NLGN1: variants seen among roughly 807,000 people sequenced by gnomAD.
NLGN1 encodes the protein neuroligin-1.
In NLGN1, 12 loss-of-function variants were observed where a neutral mutation model predicts 65.5. That is an observed-to-expected ratio of 0.18 (90% confidence interval 0.12 to 0.30). The LOEUF is 0.30. Among genes scored for constraint, NLGN1 ranks in the 10% least tolerant of loss-of-function variants. The pLI is 1.00. For synonymous variants in NLGN1, 350 were observed against 359.5 expected, an observed-to-expected ratio of 0.97 and a Z score of 0.30; for missense variants, 750 against 1,007.1, an observed-to-expected ratio of 0.74 and a Z score of 3.46.
chr3:173,458,631 C>T (rs1722880058), intron 2 of NLGN1, among the ~76,000 whole-genome samples: 1 of 152,092 alleles, frequency 6.6e-6, no homozygotes. Context: ...CCTCTGTTTC[C>T]AGTTCCTCAT....
intron 4 of NLGN1, among the ~76,000 whole-genome samples, chr3:174,090,994 T>G (rs1380938947): frequency 6.6e-6 from 1 of 152,196 alleles, no homozygotes; most frequent in Non-Finnish European, 1.5e-5. Context: ...ATTGTGACAT[T>G]GATGCATTGC....
chr3:173,834,733 C>T (rs1234768267), intron 4 of NLGN1, among the ~76,000 whole-genome samples: 1 of 152,164 alleles, frequency 6.6e-6, no homozygotes, highest in African/African-American at 2.4e-5. Context: ...CATATGGTCA[C>T]AGAGTTAGGA....
chr3:173,471,064 T>G (rs2148926528), intron 2 of NLGN1, among the ~76,000 whole-genome samples: 1 of 152,160 alleles, frequency 6.6e-6, no homozygotes, highest in East Asian at 1.9e-4. Flanking sequence ...AATAAAAGAA[T>G]TAGTTGATCT....
Position 174,259,834 on chromosome 3 carries a change from C to A in NLGN1, c.647-15481C>A, listed in dbSNP as rs1306513731. Among the ~76,000 whole-genome samples the A allele has an allele frequency of 5.7e-5, 7 of 121,940 alleles. No homozygotes were observed. The South Asian group carries it at 1.6e-3, about 28-fold the overall frequency. The allele number at this position is 121,940 out of a possible 152,430, so 80.0% of individuals were successfully genotyped here. On this transcript the variant is annotated intron_variant, in intron 4 of 6. Transcript: ENST00000457714. ...TATCTCCCAATGCTATCCCTCCCCC[C>A]TCCCCCCACCCCACCACAGTCCCCA...
chr3:174,270,746 G>T (rs2152877194), intron 4 of NLGN1, among the ~76,000 whole-genome samples: 1 of 151,836 alleles, frequency 6.6e-6, no homozygotes, highest in Non-Finnish European at 1.5e-5. Flanking sequence ...AGGAGACAGA[G>T]GCAGAATGCA....
intron 4 of NLGN1, among the ~76,000 whole-genome samples, chr3:173,949,564 C>T (rs1389636008): frequency 6.6e-6 from 1 of 152,120 alleles, no homozygotes; most frequent in Non-Finnish European, 1.5e-5. Context: ...GTCTTTACTA[C>T]TTTCAGACTG....
intron 2 of NLGN1, among the ~76,000 whole-genome samples, chr3:173,448,788 T>C (rs1720890767): frequency 1.3e-5 from 2 of 152,312 alleles, no homozygotes; most frequent in Admixed American, 1.3e-4. Context: ...GGTTTAGTCT[T>C]GGGAGGGTGT....
At chr3:173,549,256 G>C (rs181448270) in intron 2 of NLGN1, among the ~76,000 whole-genome samples, 12 of 151,980 alleles carry the variant, frequency 7.9e-5, no homozygotes, top group African/African-American at 2.9e-4. Context: ...CCTGTTTCCT[G>C]AGTAAATGAA....
At chr3:173,797,736 T>C (rs541705421) in intron 3 of NLGN1, among the ~76,000 whole-genome samples, 1 of 147,162 alleles carries the variant, frequency 6.8e-6, no homozygotes, top group South Asian at 2.1e-4. Flanking sequence ...AAAAAACTGA[T>C]CCATCAACCA....
chr3:173,454,920 AT>A (rs1272871616), intron 2 of NLGN1, among the ~76,000 whole-genome samples: 1 of 152,170 alleles, frequency 6.6e-6, no homozygotes, highest in Non-Finnish European at 1.5e-5. Flanking sequence ...GTGAGAGGGC[AT>A]TGTAGGGTTA....
intron 2 of NLGN1, among the ~76,000 whole-genome samples, chr3:173,534,613 C>T (rs1415081375): frequency 6.6e-6 from 1 of 152,178 alleles, no homozygotes; most frequent in African/African-American, 2.4e-5. Context: ...TAAGAATCAA[C>T]TAAAATGAAT....
Position 173,977,966 on chromosome 3 carries a change from A to G in NLGN1, c.646+170134A>G, listed in dbSNP as rs1717885333. 2.6e-5 allele frequency among the ~76,000 whole-genome samples: 4 copies of G among 152,158 alleles called. 1 individual carries two copies. The South Asian group carries it at 8.3e-4, about 32-fold the overall frequency. ...GTCAACATTTTGTGGCTTGAGGGTAATGAGAATGGCAATAGAGTAGTAGGG... is the reference window on the plus strand; with the variant it reads ...GTCAACATTTTGTGGCTTGAGGGTAGTGAGAATGGCAATAGAGTAGTAGGG... On this transcript the variant is annotated intron_variant, in intron 4 of 6. Coordinates refer to ENST00000457714, the Ensembl canonical transcript of NLGN1.
At chr3:174,169,152 C>T (rs1299534152) in intron 4 of NLGN1, among the ~76,000 whole-genome samples, 2 of 151,632 alleles carry the variant, frequency 1.3e-5, no homozygotes, top group Non-Finnish European at 2.9e-5. Flanking sequence ...ACCAAGCAAG[C>T]AAGTGCTCTG....
At chr3:173,810,178 TAAAA>T (rs1327605735) in intron 4 of NLGN1, among the ~76,000 whole-genome samples, 1 of 152,180 alleles carries the variant, frequency 6.6e-6, no homozygotes, top group African/African-American at 2.4e-5. Context: ...AATTAATTCA[TAAAA>T]AAGAAATTAT....
At position 174,093,303 on chromosome 3, in the gene NLGN1, T is replaced by C. The variant is rs373828921; in HGVS notation, c.647-182012T>C. The stretch of plus-strand genomic sequence containing the variant: ...AAAAATTCTGTTATGGCTAAATAAG[T>C]GCAAGTAATAAAGATACCTGTTTAC... On this transcript the variant is annotated intron_variant, in intron 4 of 6. Coordinates refer to ENST00000457714, the Ensembl canonical transcript of NLGN1. Among the ~76,000 whole-genome samples the C allele has an allele frequency of 5.9e-5, 9 of 152,290 alleles. No individual in the cohort carries two copies. The East Asian group carries it at 1.7e-3, about 29-fold the overall frequency.
chr3:174,040,959 A>G (rs1030526119), intron 4 of NLGN1, among the ~76,000 whole-genome samples: 1 of 152,182 alleles, frequency 6.6e-6, no homozygotes, highest in African/African-American at 2.4e-5. Flanking sequence ...ATTAACTATA[A>G]TTCAATATTT....
chr3:173,617,302 T>C (rs575031180), intron 3 of NLGN1, among the ~76,000 whole-genome samples: 1 of 152,334 alleles, frequency 6.6e-6, no homozygotes, highest in East Asian at 1.9e-4. Context: ...TATGTGCTGA[T>C]ATTTACTCTC....
intron 4 of NLGN1, among the ~76,000 whole-genome samples, chr3:174,008,311 A>C (rs1724855901): frequency 6.6e-6 from 1 of 152,008 alleles, no homozygotes; most frequent in South Asian, 2.1e-4. Context: ...TACGTAGGCA[A>C]ACCTGCTGTC....
chr3:174,050,092 CAGTT>C (rs751375386), intron 4 of NLGN1, among the ~76,000 whole-genome samples: 8 of 152,072 alleles, frequency 5.3e-5, no homozygotes, highest in South Asian at 2.1e-4. Context: ...GTTATAAGAA[CAGTT>C]AGGTATGTAG....
Sources: gnomAD v4.1 joint callset for allele counts (sites outside exome capture counted in the v4.1 genomes callset) on GRCh38, gnomAD v4.1.1 for gene constraint, MANE v1.5 for transcripts, NCBI Gene and HGNC (gene_info 2026-07-23, HGNC 2026-07-21) for gene names.